Variants in HSD17B12 observed in about 807,000 individuals in gnomAD.
HSD17B12 encodes the protein hydroxysteroid 17-beta dehydrogenase 12, also known as very-long-chain 3-oxoacyl-CoA reductase.
In HSD17B12, 32 loss-of-function variants were observed where a neutral mutation model predicts 39.3. The observed-to-expected ratio is 0.81, with a 90% confidence interval of 0.61 to 1.09. The LOEUF is 1.09. Among genes scored for constraint, HSD17B12 ranks in the 50% least tolerant of loss-of-function variants. The pLI, the probability that HSD17B12 is intolerant of heterozygous loss-of-function variation, is 0.00. For synonymous variants in HSD17B12, 150 were observed against 146.7 expected (o/e 1.02, Z -0.16); for missense variants, 342 against 382.9 (o/e 0.89, Z 0.89).
At chr11:43,617,475 G>T in the HSD17B12 span, among the ~76,000 whole-genome samples, 103,314 of 151,876 alleles carry the variant, frequency 0.68, 35,419 homozygotes, top group East Asian at 0.81. Context: ...AGTTGAGATA[G>T]CCTTAGGATG....
chr11:43,780,573 C>T (rs1393928505), intron 3 of HSD17B12, among the ~76,000 whole-genome samples: 1 of 152,144 alleles, frequency 6.6e-6, no homozygotes, highest in Non-Finnish European at 1.5e-5. Context: ...AGGATATCAT[C>T]TCATATGTAT....
At chr11:43,631,268 A>G in the HSD17B12 span, among the ~76,000 whole-genome samples, 1 of 152,226 alleles carries the variant, frequency 6.6e-6, no homozygotes, top group African/African-American at 2.4e-5. Flanking sequence ...TTTTTGAAGA[A>G]ATATAGGTTG....
At chr11:43,593,128 T>A in the HSD17B12 span, among the ~76,000 whole-genome samples, 24 of 152,212 alleles carry the variant, frequency 1.6e-4, no homozygotes, top group Non-Finnish European at 2.8e-4. Flanking sequence ...TGCACACACA[T>A]GTGCACATGC....
intron 6 of HSD17B12, among the ~76,000 whole-genome samples, chr11:43,817,410 A>G (rs1045847228): frequency 6.6e-6 from 1 of 152,172 alleles, no homozygotes; most frequent in African/African-American, 2.4e-5. Context: ...CTTGGTCATG[A>G]AATCCTTGCC....
At chr11:43,608,227 G>A in the HSD17B12 span, among the ~76,000 whole-genome samples, 2 of 152,040 alleles carry the variant, frequency 1.3e-5, no homozygotes, top group African/African-American at 4.8e-5. Context: ...TTAGTCAGGT[G>A]TGCTGGCATG....
chr11:43,649,245 C>T, the HSD17B12 span, among the ~76,000 whole-genome samples: 1 of 151,816 alleles, frequency 6.6e-6, no homozygotes, highest in Non-Finnish European at 1.5e-5. Context: ...GCTATAATTA[C>T]TTTCTGATAG....
At chr11:43,698,152 A>C (rs1238044085) in intron 1 of HSD17B12, among the ~76,000 whole-genome samples, 1 of 152,122 alleles carries the variant, frequency 6.6e-6, no homozygotes, top group East Asian at 1.9e-4. Context: ...TCATAAACTT[A>C]TGATTGTGGG....
At chr11:43,566,041 C>T in the HSD17B12 span, among the ~76,000 whole-genome samples, 2 of 148,754 alleles carry the variant, frequency 1.3e-5, no homozygotes, top group African/African-American at 5.0e-5. Context: ...CTCTGTATTT[C>T]CGAATACCAG....
At chr11:43,604,113 A>G in the HSD17B12 span, among the ~76,000 whole-genome samples, 2 of 152,306 alleles carry the variant, frequency 1.3e-5, no homozygotes, top group East Asian at 3.9e-4. Context: ...CATTCTTCTT[A>G]TTAATTCCCA....
At chr11:43,690,538 T>G (rs1177029231) in intron 1 of HSD17B12, among the ~76,000 whole-genome samples, 1 of 149,936 alleles carries the variant, frequency 6.7e-6, no homozygotes, top group Non-Finnish European at 1.5e-5. Context: ...CAGCTGTGTC[T>G]GGCTTCCAGT....
At position 43,840,000 on chromosome 11, in the gene HSD17B12, CT is replaced by C; in HGVS notation, c.624del (p.Phe208LeufsTer2). 6.2e-7 allele frequency: 1 copy of C among 1,612,056 alleles called. No homozygotes were observed. Among genetic ancestry groups the C allele is most frequent in the Non-Finnish European group, 8.5e-7 (1 of 1,178,682 alleles). ...TTCTCACTCCCACTCCCCTCCCAGA[CT>C]TTTGTAGATTTCTTCTCTCAGTGCC... The part of the protein sequence containing the change: ...PLLTIYSATK[T>X]FVDFFSQCLH... On this transcript the variant is annotated frameshift_variant and splice_region_variant, in exon 9 of 11. Coordinates refer to ENST00000278353, the MANE Select transcript of HSD17B12 (RefSeq NM_016142.3). LOFTEE classifies it high-confidence loss of function.
chr11:43,814,682 G>A (rs1951104563), intron 4 of HSD17B12, among the ~76,000 whole-genome samples: 1 of 152,098 alleles, frequency 6.6e-6, no homozygotes, highest in African/African-American at 2.4e-5. Flanking sequence ...CTCAACTTTT[G>A]ATAGATGGTT....
chr11:43,688,821 T>G (rs1277303047), intron 1 of HSD17B12, among the ~76,000 whole-genome samples: 1 of 152,218 alleles, frequency 6.6e-6, no homozygotes, highest in Non-Finnish European at 1.5e-5. Flanking sequence ...TTCTTTCATT[T>G]TTTAGGGGGA....
At chr11:43,690,323 T>G (rs1180516411) in intron 1 of HSD17B12, among the ~76,000 whole-genome samples, 4 of 144,186 alleles carry the variant, frequency 2.8e-5, no homozygotes, top group African/African-American at 7.8e-5. Context: ...GTACCTTTGT[T>G]GAATTAATGG....
At chr11:43,718,748 A>G in intron 1 of HSD17B12, 1 of 1,288,606 alleles carries the variant, frequency 7.8e-7, no homozygotes. Flanking sequence ...TTTAAAGGCC[A>G]AGAAGGCAGT....
At chr11:43,574,279 G>C in the HSD17B12 span, among the ~76,000 whole-genome samples, 1 of 152,216 alleles carries the variant, frequency 6.6e-6, no homozygotes, top group Non-Finnish European at 1.5e-5. Context: ...CAGGCCTTGT[G>C]CCCCAAATCC....
upstream of HSD17B12, among the ~76,000 whole-genome samples, chr11:43,677,182 G>T (rs1023478201): frequency 1.3e-5 from 2 of 152,184 alleles, no homozygotes; most frequent in Non-Finnish European, 2.9e-5. Flanking sequence ...AGAAGGGGGG[G>T]TTTGGGCAGC....
At chr11:43,586,932 G>A in the HSD17B12 span, among the ~76,000 whole-genome samples, 1 of 152,106 alleles carries the variant, frequency 6.6e-6, no homozygotes. Flanking sequence ...TTCTAAATAG[G>A]AAATAAGATT....
intron 1 of HSD17B12, among the ~76,000 whole-genome samples, chr11:43,726,902 G>T (rs1950226547): frequency 6.6e-6 from 1 of 152,198 alleles, no homozygotes; most frequent in South Asian, 2.1e-4. Flanking sequence ...AAGTTGGGAG[G>T]TGGGGGGCCA....
Sources: gnomAD v4.1 joint callset for allele counts (sites outside exome capture counted in the v4.1 genomes callset) on GRCh38, gnomAD v4.1.1 for gene constraint, MANE v1.5 for transcripts, NCBI Gene and HGNC (gene_info 2026-07-23, HGNC 2026-07-21) for gene names.